The following FCHO2 variants were observed in gnomAD, a reference collection of about 807,000 sequenced individuals.
The protein encoded by FCHO2 is FCH and mu domain containing endocytic adaptor 2.
Under a neutral mutation model 114.1 loss-of-function variants are expected in FCHO2, and 43 were observed. The observed-to-expected ratio is 0.38, with a 90% CI of 0.30 to 0.49. The LOEUF is 0.49. Ranked by LOEUF, FCHO2 falls within the 20% of genes least tolerant of loss-of-function variation. The pLI, the probability that FCHO2 is intolerant of heterozygous loss-of-function variation, is 0.97. For synonymous variants in FCHO2, 293 were observed against 315.2 expected, an observed-to-expected ratio of 0.93 and a Z score of 0.75; for missense variants, 807 against 950.4, an observed-to-expected ratio of 0.85 and a Z score of 1.98.
At chr5:73,027,494 A>G (rs1756003074) in intron 8 of FCHO2, among the ~76,000 whole-genome samples, 1 of 151,954 alleles carries the variant, frequency 6.6e-6, no homozygotes, top group African/African-American at 2.4e-5. Flanking sequence ...GTCTAATCCA[A>G]GGTCACAAAG....
rs1417024593 is a variant in FCHO2 at position 73,037,130 on chromosome 5, A to G, written c.842-13A>G. 1.3e-6 allele frequency: 2 copies of G among 1,487,986 alleles called. No homozygotes were observed. The highest frequency in any genetic ancestry group is 2.3e-5 in the East Asian group (1 of 43,248). The allele number at this position is 1,487,986 out of a possible 1,614,324, so 92.2% of individuals were successfully genotyped here. A position where few individuals can be genotyped will look rare whatever the true frequency, so the allele number is the denominator to read the frequency against. On this transcript the variant is annotated splice_polypyrimidine_tract_variant and intron_variant, in intron 9 of 25. Transcript: ENST00000430046. ...TGTTTATGTTTCTGTAACAATATATATTTATTTTAAAGGTATAAAACCAAG... is the reference window on the plus strand; with the variant it reads ...TGTTTATGTTTCTGTAACAATATATGTTTATTTTAAAGGTATAAAACCAAG...
rs1341531221 is a variant in FCHO2, at chr5:73,054,207, T to G, written c.1185+36T>G. ...GATTTTATATTTTTGCCCATTGACT[T>G]TTAAAATCATTGTAATTTTGGAAGA... On this transcript the variant is annotated intron_variant, in intron 14 of 25. Coordinates refer to ENST00000430046, the MANE Select transcript of FCHO2 (RefSeq NM_138782.3). The G allele has an allele frequency of 3.4e-6, 5 of 1,472,032 alleles. No homozygotes were observed. The East Asian group carries it at 9.9e-5, about 29-fold the overall frequency. The allele number at this position is 1,472,032 out of a possible 1,614,324, so 91.2% of individuals were successfully genotyped here.
At chr5:73,008,017 G>A (rs1369808369) in intron 6 of FCHO2, among the ~76,000 whole-genome samples, 1 of 152,072 alleles carries the variant, frequency 6.6e-6, no homozygotes, top group African/African-American at 2.4e-5. Flanking sequence ...CTTACATTCT[G>A]GAAAGTAAAA....
intron 13 of FCHO2, 154 bp downstream of exon 13, chr5:73,052,661 T>C (rs1262783124): frequency 1.5e-6 from 1 of 655,892 alleles, no homozygotes; most frequent in Non-Finnish European, 2.4e-6. Flanking sequence ...CTTGTGAATT[T>C]GGCTTAATTT....
chr5:72,998,616 A>C (rs983366703), intron 5 of FCHO2, among the ~76,000 whole-genome samples: 1 of 151,834 alleles, frequency 6.6e-6, no homozygotes, highest in African/African-American at 2.4e-5. Context: ...TAAATTAGTT[A>C]AAACTATCCA....
At chr5:73,003,596 G>A (rs752143859) in intron 5 of FCHO2, among the ~76,000 whole-genome samples, 1 of 152,160 alleles carries the variant, frequency 6.6e-6, no homozygotes, top group Non-Finnish European at 1.5e-5. Context: ...ATCACAACTT[G>A]TCTTTATCAA....
chr5:72,990,656 A>C (rs1303863427), intron 4 of FCHO2, 37 bp downstream of exon 4: 1 of 1,529,288 alleles, frequency 6.5e-7, no homozygotes, highest in South Asian at 1.3e-5. Flanking sequence ...TTGATTGGTC[A>C]GATATTGAAT....
chr5:73,033,138 G>A (rs1756321104), intron 8 of FCHO2, among the ~76,000 whole-genome samples: 1 of 152,026 alleles, frequency 6.6e-6, no homozygotes, highest in Admixed American at 6.6e-5. Context: ...GAATGGGTTT[G>A]AATAAAGTCC....
chr5:72,979,549 G>A (rs1162844690), intron 2 of FCHO2, among the ~76,000 whole-genome samples: 3 of 149,874 alleles, frequency 2.0e-5, no homozygotes, highest in East Asian at 1.9e-4. Flanking sequence ...CCGCTACCAC[G>A]CCCGGCTAAT....
intron 1 of FCHO2, among the ~76,000 whole-genome samples, chr5:72,968,162 G>C (rs1195473138): frequency 6.6e-6 from 1 of 151,862 alleles, no homozygotes; most frequent in Non-Finnish European, 1.5e-5. Context: ...CTGACCTCGT[G>C]ATCCGCCCAC....
In FCHO2 at chr5:73,063,883, C is replaced by T; in HGVS notation, c.1388C>T (p.Pro463Leu). ...CTTTCTGTAGGCACCATTGTCCCACCTCCGAGGCCTGCTTCCAGACCAAAG... is the reference window on the plus strand; with the variant it reads ...CTTTCTGTAGGCACCATTGTCCCACTTCCGAGGCCTGCTTCCAGACCAAAG... ...TPLSVGTIVP[P>L]PRPASRPKLT... Residue 463 changes from proline to leucine, a missense_variant, in exon 18 of 26, where the codon CCT becomes CTT. Pro to Leu is a moderately conservative substitution (Grantham distance 98, BLOSUM62 -3). Coordinates refer to ENST00000430046, the MANE Select transcript of FCHO2 (RefSeq NM_138782.3). 1 of 1,612,210 alleles carries T rather than the reference C, an allele frequency of 6.2e-7. No individual in the cohort carries two copies. Among genetic ancestry groups the T allele is most frequent in the African/African-American group, 1.3e-5 (1 of 74,936 alleles).
intron 1 of FCHO2, among the ~76,000 whole-genome samples, chr5:72,962,712 G>A (rs937785303): frequency 6.6e-5 from 10 of 152,100 alleles, no homozygotes; most frequent in Non-Finnish European, 2.9e-5. Flanking sequence ...AGCCAACATG[G>A]TGAAACCCCG....
chr5:73,051,117 T>C, intron 11 of FCHO2: 1 of 379,170 alleles, frequency 2.6e-6, no homozygotes, highest in South Asian at 3.7e-5. Context: ...GTTGTGTTTC[T>C]CCTGTTTCAT....
intron 9 of FCHO2, among the ~76,000 whole-genome samples, chr5:73,036,035 G>A (rs949213334): frequency 6.7e-6 from 1 of 149,722 alleles, no homozygotes; most frequent in African/African-American, 2.5e-5. Flanking sequence ...TAGTAGAAAC[G>A]GGGTTTCACC....
chr5:72,984,054 G>A (rs1053322694), intron 2 of FCHO2, among the ~76,000 whole-genome samples: 7 of 151,984 alleles, frequency 4.6e-5, no homozygotes, highest in Non-Finnish European at 1.0e-4. Context: ...TCTTGGTATC[G>A]TCAGTTTTTT....
rs76397971 is a variant in FCHO2 at position 72,976,626 on chromosome 5, A to T, written c.125+8037A>T. ...TGTTTGTGTTCTTACTATTTTTTTT[A>T]AAATTTTTTTATTATACTTTAAGCC... is the stretch of plus-strand genomic sequence containing the variant. On this transcript the variant is annotated intron_variant, in intron 2 of 25. Transcript: ENST00000430046. Among the ~76,000 whole-genome samples the T allele has an allele frequency of 3.7e-3, 562 of 152,016 alleles. 1 individual carries two copies. Among genetic ancestry groups the T allele is most frequent in the African/African-American group, 5.2e-3 (216 of 41,462 alleles).
intron 5 of FCHO2, among the ~76,000 whole-genome samples, chr5:73,001,800 G>C (rs547090221): frequency 1.3e-5 from 2 of 151,604 alleles, no homozygotes; most frequent in East Asian, 1.9e-4. Context: ...TTAGCCAGGC[G>C]TAGTGGCATG....
chr5:72,985,577 C>T (rs1376021183), intron 2 of FCHO2, among the ~76,000 whole-genome samples: 1 of 152,028 alleles, frequency 6.6e-6, no homozygotes, highest in Non-Finnish European at 1.5e-5. Context: ...TGATAATCAC[C>T]TAGATCTGTT....
chr5:73,084,023 G>A (rs371626105), intron 24 of FCHO2, among the ~76,000 whole-genome samples: 1 of 151,888 alleles, frequency 6.6e-6, no homozygotes, highest in African/African-American at 2.4e-5. Flanking sequence ...TTAAGGAGAA[G>A]CAAGTTATGC....
Sources: allele counts gnomAD v4.1 joint callset (sites outside exome capture counted in the v4.1 genomes callset), GRCh38; gene constraint gnomAD v4.1.1; transcripts MANE v1.5; gene names NCBI Gene and HGNC (gene_info 2026-07-23, HGNC 2026-07-21).